The following FAM178B variants were observed in gnomAD, a reference collection of about 807,000 sequenced individuals.
FAM178B encodes protein FAM178B.
A neutral mutation model predicts 91.7 loss-of-function variants in FAM178B; 82 were observed. The ratio of observed to expected loss-of-function variants is 0.89; its 90% CI spans 0.75 to 1.07. FAM178B has a LOEUF of 1.07. Among genes scored for constraint, FAM178B ranks in the 50% least tolerant of loss-of-function variants. The pLI, the probability that FAM178B is intolerant of heterozygous loss-of-function variation, is 0.00. For synonymous variants in FAM178B, 368 were observed against 359.4 expected (o/e 1.02, Z -0.27); for missense variants, 769 against 846.7 (o/e 0.91, Z 1.14).
chr2:96,953,352 C>A (rs1320978517), intron 6 of FAM178B, among the ~76,000 whole-genome samples: 1 of 152,218 alleles, frequency 6.6e-6, no homozygotes, highest in Non-Finnish European at 1.5e-5. Context: ...AGAACCCCGA[C>A]AAGGGCCATG....
At chr2:96,976,736 T>C (rs2082293650) in intron 1 of FAM178B, among the ~76,000 whole-genome samples, 1 of 151,886 alleles carries the variant, frequency 6.6e-6, no homozygotes, top group Non-Finnish European at 1.5e-5. Flanking sequence ...TAGTCCCAGC[T>C]ACTCAGGAGG....
intron 13 of FAM178B, chr2:96,895,011 T>G (rs1354419107): frequency 7.8e-7 from 1 of 1,278,088 alleles, no homozygotes; most frequent in East Asian, 5.6e-5. Flanking sequence ...TGTGGAGGTT[T>G]GGAACACCAT....
chr2:96,957,667 C>T (rs957047485), intron 6 of FAM178B, among the ~76,000 whole-genome samples: 36 of 152,228 alleles, frequency 2.4e-4, no homozygotes, highest in African/African-American at 8.0e-4. Flanking sequence ...TGAAGCAGCC[C>T]AGGAAGACGC....
intron 12 of FAM178B, among the ~76,000 whole-genome samples, chr2:96,912,451 G>C (rs2081174529): frequency 6.6e-6 from 1 of 152,022 alleles, no homozygotes; most frequent in African/African-American, 2.4e-5. Context: ...TCGAGGGCTG[G>C]TGGGGGAGGG....
intron 4 of FAM178B, among the ~76,000 whole-genome samples, chr2:96,970,094 C>A (rs914507136): frequency 1.3e-5 from 2 of 152,208 alleles, no homozygotes; most frequent in Non-Finnish European, 1.5e-5. Flanking sequence ...GAGCATGCCC[C>A]CATGAAGACG....
intron 8 of FAM178B, among the ~76,000 whole-genome samples, chr2:96,946,865 G>A (rs1319303506): frequency 2.6e-5 from 4 of 152,256 alleles, no homozygotes; most frequent in African/African-American, 9.6e-5. Context: ...CTCGCTTAGA[G>A]GGCTCCATGG....
intron 8 of FAM178B, among the ~76,000 whole-genome samples, chr2:96,944,932 T>TCCAG (rs1342925330): frequency 6.6e-6 from 1 of 152,070 alleles, no homozygotes; most frequent in African/African-American, 2.4e-5. Flanking sequence ...ACTTCCTGGT[T>TCCAG]CCTGCCTCCC....
intron 14 of FAM178B, among the ~76,000 whole-genome samples, chr2:96,884,287 T>G (rs1288046235): frequency 6.6e-6 from 1 of 152,178 alleles, no homozygotes; most frequent in Non-Finnish European, 1.5e-5. Flanking sequence ...CTCTCAGCCT[T>G]CAGCAGGACA....
Position 96,878,407 on chromosome 2 carries a change from G to A in FAM178B, c.1854+9C>T, listed in dbSNP as rs1211023713. On this transcript the variant is annotated intron_variant, in intron 15 of 16. Coordinates refer to ENST00000490605, the MANE Select transcript of FAM178B (RefSeq NM_001122646.3). ...CCCCCACCACAGCCCTGCCCCTTGG[G>A]AGACTCACCCACTGGTCTGGAGTGA... 4 of 1,613,552 alleles carry A rather than the reference G, an allele frequency of 2.5e-6. No individual in the cohort carries two copies. In the South Asian group the frequency reaches 4.4e-5, roughly 18 times the overall value.
Position 96,983,818 on chromosome 2 carries a change from T to C in FAM178B, c.73+2423A>G, listed in dbSNP as rs1406679841. 7.9e-5 allele frequency among the ~76,000 whole-genome samples: 12 copies of C among 152,376 alleles called. 1 individual carries two copies. In the South Asian group the frequency reaches 2.3e-3, roughly 29 times the overall value. Reference sequence around the variant, plus strand: ...CTACTGCTAAATGTATGTTGTTGCATGCTATATGCCTGTAGCAGTAGTTCA... The same window carrying C: ...CTACTGCTAAATGTATGTTGTTGCACGCTATATGCCTGTAGCAGTAGTTCA... On this transcript the variant is annotated intron_variant, in intron 1 of 16. Coordinates refer to ENST00000490605, the MANE Select transcript of FAM178B (RefSeq NM_001122646.3).
chr2:96,895,706 G>A (rs2080808554), intron 13 of FAM178B, among the ~76,000 whole-genome samples: 1 of 152,244 alleles, frequency 6.6e-6, no homozygotes, highest in Admixed American at 6.5e-5. Flanking sequence ...GTTCACAAAA[G>A]CACCATCTCT....
At chr2:96,974,856 G>A (rs1002086716) in intron 1 of FAM178B, among the ~76,000 whole-genome samples, 18 of 152,102 alleles carry the variant, frequency 1.2e-4, no homozygotes, top group African/African-American at 3.6e-4. Flanking sequence ...TTGGGAGGCC[G>A]AGGCGGGCGT....
chr2:96,962,468 A>G (rs1174875009), intron 5 of FAM178B, among the ~76,000 whole-genome samples: 2 of 151,088 alleles, frequency 1.3e-5, no homozygotes, highest in African/African-American at 4.9e-5. Flanking sequence ...AAAGAAAAAA[A>G]AGCCTATAAG....
intron 8 of FAM178B, among the ~76,000 whole-genome samples, chr2:96,944,699 A>G (rs1399141348): frequency 4.6e-5 from 7 of 152,260 alleles, no homozygotes; most frequent in Admixed American, 4.6e-4. Context: ...GGTATTTGTT[A>G]TCAATAGTCA....
At chr2:96,944,017 T>C (rs1344061046) in intron 8 of FAM178B, among the ~76,000 whole-genome samples, 3 of 152,056 alleles carry the variant, frequency 2.0e-5, no homozygotes, top group Non-Finnish European at 2.9e-5. Flanking sequence ...CTGAAGTGGG[T>C]GGATCACCTG....
chr2:96,933,334 C>T (rs1005260577), intron 8 of FAM178B, among the ~76,000 whole-genome samples: 6 of 152,150 alleles, frequency 3.9e-5, no homozygotes, highest in African/African-American at 1.4e-4. Flanking sequence ...AGTCTGCAGG[C>T]GTCCCTTTAG....
chr2:96,925,262 T>C (rs951336979), intron 9 of FAM178B, among the ~76,000 whole-genome samples: 4 of 151,912 alleles, frequency 2.6e-5, no homozygotes, highest in African/African-American at 9.7e-5. Context: ...ACATTGAAGG[T>C]GTGAGGTGGT....
chr2:96,964,987 G>T (rs1412154371), intron 5 of FAM178B, among the ~76,000 whole-genome samples: 2 of 152,046 alleles, frequency 1.3e-5, no homozygotes, highest in African/African-American at 4.8e-5. Flanking sequence ...ATCCGGTTTG[G>T]TGGCTTTATT....
chr2:96,921,017 A>C, intron 12 of FAM178B, 148 bp downstream of exon 12: 1 of 640,636 alleles, frequency 1.6e-6, no homozygotes, highest in Non-Finnish European at 2.8e-6. Flanking sequence ...AGAACTCATT[A>C]GTGAGTTATA....
Sources: gnomAD v4.1 joint callset for allele counts (sites outside exome capture counted in the v4.1 genomes callset) on GRCh38, gnomAD v4.1.1 for gene constraint, MANE v1.5 for transcripts, NCBI Gene and HGNC (gene_info 2026-07-23, HGNC 2026-07-21) for gene names.